Variants in GAB2 observed in about 807,000 individuals in gnomAD.
GAB2 encodes the protein GRB2-associated-binding protein 2.
GAB2 carries 26 observed loss-of-function variants against 65.5 expected under a neutral mutation model. The observed-to-expected ratio is 0.40, with a 90% CI of 0.29 to 0.55. GAB2 has a LOEUF of 0.55. Among genes scored for constraint, GAB2 ranks in the 20% least tolerant of loss-of-function variants. GAB2 has a pLI of 0.53. For synonymous variants in GAB2, 321 were observed against 329.6 expected (o/e 0.97, Z 0.28); for missense variants, 884 against 875.8 (o/e 1.01, Z -0.12).
chr11:78,241,941 C>T (rs988756845), intron 3 of GAB2, among the ~76,000 whole-genome samples: 2 of 152,144 alleles, frequency 1.3e-5, no homozygotes, highest in East Asian at 1.9e-4. Context: ...ATTTAAACTG[C>T]GCTTTAGATC....
chr11:78,312,516 C>T (rs59551821), intron 1 of GAB2, among the ~76,000 whole-genome samples: 4,454 of 152,318 alleles, frequency 0.029, 188 homozygotes, highest in African/African-American at 0.1. Context: ...ACCTCCACCT[C>T]GCTGTTTCAA....
intron 1 of GAB2, among the ~76,000 whole-genome samples, chr11:78,381,209 C>T (rs1257416483): frequency 2.0e-5 from 3 of 152,190 alleles, no homozygotes; most frequent in Non-Finnish European, 4.4e-5. Context: ...GTCCCATCTC[C>T]CATCCATCTC....
At chr11:78,396,846 C>A (rs1309319430) in intron 1 of GAB2, among the ~76,000 whole-genome samples, 1 of 152,206 alleles carries the variant, frequency 6.6e-6, no homozygotes, top group Non-Finnish European at 1.5e-5. Flanking sequence ...ATCCACCCAC[C>A]TCAGCCTCCC....
chr11:78,381,600 C>G (rs1856698395), intron 1 of GAB2, among the ~76,000 whole-genome samples: 1 of 152,068 alleles, frequency 6.6e-6, no homozygotes, highest in Non-Finnish European at 1.5e-5. Context: ...CCCTAGAAGC[C>G]TGTTTCTCCC....
intron 1 of GAB2, among the ~76,000 whole-genome samples, chr11:78,374,136 A>G (rs778864665): frequency 1.3e-5 from 2 of 152,192 alleles, no homozygotes; most frequent in Non-Finnish European, 2.9e-5. Flanking sequence ...CTTTAGACAC[A>G]CATTCTAACA....
At chr11:78,339,177 C>T (rs1428793642) in intron 1 of GAB2, among the ~76,000 whole-genome samples, 5 of 152,108 alleles carry the variant, frequency 3.3e-5, no homozygotes, top group African/African-American at 4.8e-5. Flanking sequence ...CTACCTGTCT[C>T]GGCCTCCCAA....
At chr11:78,260,961 GC>G (rs1367428682) in intron 2 of GAB2, among the ~76,000 whole-genome samples, 2 of 152,144 alleles carry the variant, frequency 1.3e-5, no homozygotes, top group Non-Finnish European at 2.9e-5. Flanking sequence ...GGAGGTCCCA[GC>G]CCTTTGGGAG....
intron 3 of GAB2, among the ~76,000 whole-genome samples, chr11:78,227,819 CACAA>C (rs1238127231): frequency 7.2e-5 from 11 of 152,096 alleles, no homozygotes; most frequent in Admixed American, 5.9e-4. Flanking sequence ...CACGCCCCAA[CACAA>C]ACAAACAACA....
At chr11:78,234,703 G>A (rs543002105) in intron 3 of GAB2, among the ~76,000 whole-genome samples, 6 of 151,170 alleles carry the variant, frequency 4.0e-5, no homozygotes, top group East Asian at 1.9e-4. Flanking sequence ...ACAGGTTTTT[G>A]TCCTTTCACC....
chr11:78,260,399 C>T (rs556519312), intron 2 of GAB2, among the ~76,000 whole-genome samples: 21 of 152,286 alleles, frequency 1.4e-4, no homozygotes, highest in Non-Finnish European at 2.8e-4. Flanking sequence ...TTACAACCTT[C>T]TTTGGCTCGA....
At chr11:78,342,534 G>A (rs555432442) in intron 1 of GAB2, among the ~76,000 whole-genome samples, 8 of 148,492 alleles carry the variant, frequency 5.4e-5, no homozygotes, top group Non-Finnish European at 1.0e-4. Flanking sequence ...TCAGTCTCCC[G>A]AGTAGCTGGG....
intron 1 of GAB2, among the ~76,000 whole-genome samples, chr11:78,414,178 A>T (rs192156656): frequency 2.6e-5 from 4 of 152,168 alleles, no homozygotes; most frequent in African/African-American, 9.6e-5. Context: ...CGTACAGACA[A>T]CTACTCCCTC....
intron 1 of GAB2, among the ~76,000 whole-genome samples, chr11:78,303,942 T>G (rs561802601): frequency 1.1e-4 from 17 of 152,240 alleles, no homozygotes; most frequent in Admixed American, 7.9e-4. Context: ...CTCAGTTATA[T>G]CCAAAGCACT....
At chr11:78,352,699 G>A (rs1456187699) in intron 1 of GAB2, among the ~76,000 whole-genome samples, 2 of 152,082 alleles carry the variant, frequency 1.3e-5, no homozygotes, top group East Asian at 3.9e-4. Context: ...ATCTAGAGGT[G>A]GGCATGTGAC....
intron 1 of GAB2, among the ~76,000 whole-genome samples, chr11:78,385,821 A>T (rs2134743867): frequency 6.6e-6 from 1 of 152,382 alleles, no homozygotes; most frequent in Non-Finnish European, 1.5e-5. Context: ...GGAATCTGTC[A>T]TCAACAGAAC....
At chr11:78,267,785 G>T (rs1460414114) in intron 2 of GAB2, among the ~76,000 whole-genome samples, 1 of 146,960 alleles carries the variant, frequency 6.8e-6, no homozygotes, top group African/African-American at 2.5e-5. Context: ...ATGAACCTGG[G>T]AGGCAGAGTT....
At chr11:78,416,620 G>A (rs753396628) in intron 1 of GAB2, among the ~76,000 whole-genome samples, 1 of 152,124 alleles carries the variant, frequency 6.6e-6, no homozygotes, top group Admixed American at 6.5e-5. Flanking sequence ...CATGGGAAAC[G>A]GAGAGGGAGC....
At chr11:78,400,901 C>CAAAAAAAAA (rs59240034) in intron 1 of GAB2, among the ~76,000 whole-genome samples, 1 of 65,244 alleles carries the variant, frequency 1.5e-5, no homozygotes, top group Non-Finnish European at 2.7e-5. Flanking sequence ...GAGACTGTCT[C>CAAAAAAAAA]AAAAAAAAAA....
At chr11:78,364,801 T>G (rs1856477172) in intron 1 of GAB2, among the ~76,000 whole-genome samples, 2 of 152,208 alleles carry the variant, frequency 1.3e-5, no homozygotes. Context: ...ACATATTTAC[T>G]ACATATCTAC....
Sources: gnomAD v4.1 joint callset for allele counts (sites outside exome capture counted in the v4.1 genomes callset) on GRCh38, gnomAD v4.1.1 for gene constraint, MANE v1.5 for transcripts, NCBI Gene and HGNC (gene_info 2026-07-23, HGNC 2026-07-21) for gene names.